PFKFB4: variants seen among roughly 807,000 people sequenced by gnomAD.
PFKFB4 encodes 6-phosphofructo-2-kinase/fructose-2,6-biphosphatase 4, also known as 6-phosphofructo-2-kinase/fructose-2,6-bisphosphatase 4.
A neutral mutation model predicts 62.8 loss-of-function variants in PFKFB4; 42 were observed. The ratio of observed to expected loss-of-function variants is 0.67; its 90% CI spans 0.52 to 0.86. The LOEUF (loss-of-function observed/expected upper bound fraction) is 0.86, where lower values mean the gene tolerates loss of function less well. Among genes scored for constraint, PFKFB4 ranks in the 40% least tolerant of loss-of-function variants. PFKFB4 has a pLI of 0.00. For missense variants in PFKFB4, 475 were observed against 627.2 expected (o/e 0.76, Z 2.59); for synonymous variants, 204 against 240.7 (o/e 0.85, Z 1.41).
chr3:48,553,679 G>T (rs1376280720), intron 1 of PFKFB4, among the ~76,000 whole-genome samples: 1 of 152,192 alleles, frequency 6.6e-6, no homozygotes, highest in Non-Finnish European at 1.5e-5. Flanking sequence ...CCAAGGAGCA[G>T]CCACAAGTCC....
intron 12 of PFKFB4, 83 bp from the exon 13 acceptor site, chr3:48,522,133 G>T: frequency 8.1e-7 from 1 of 1,239,802 alleles, no homozygotes; most frequent in Non-Finnish European, 1.2e-6. Context: ...TTGGAGGGGG[G>T]TCTGGGCGTG....
chr3:48,559,311 C>A (rs904394389), upstream of PFKFB4, among the ~76,000 whole-genome samples: 1 of 152,240 alleles, frequency 6.6e-6, no homozygotes, highest in African/African-American at 2.4e-5. Context: ...GGCCACCGTC[C>A]ACATCTGCTC....
At chr3:48,557,237 C>T (rs1164113010), upstream of PFKFB4, among the ~76,000 whole-genome samples, 2 of 152,196 alleles carry the variant, frequency 1.3e-5, no homozygotes, top group Non-Finnish European at 2.9e-5. Flanking sequence ...CTAGGGAGCC[C>T]AGGGCCCCCA....
At chr3:48,538,713 G>T in intron 6 of PFKFB4, 94 bp from the exon 7 acceptor site, 1 of 1,533,408 alleles carries the variant, frequency 6.5e-7, no homozygotes, top group African/African-American at 1.4e-5. Context: ...GGCTGGAGGA[G>T]GTTGCACCGG....
chr3:48,557,921 T>A (rs1160040416), upstream of PFKFB4, among the ~76,000 whole-genome samples: 1 of 152,242 alleles, frequency 6.6e-6, no homozygotes, highest in Non-Finnish European at 1.5e-5. Flanking sequence ...TTTCATTTTT[T>A]ACAATTTTTT....
chr3:48,543,484 C>G, intron 4 of PFKFB4, 96 bp downstream of exon 4: 1 of 1,166,424 alleles, frequency 8.6e-7, no homozygotes, highest in Non-Finnish European at 1.3e-6. Context: ...GGCACACACA[C>G]CCTGCCTTCC....
chr3:48,561,247 C>T (rs2043429268), upstream of PFKFB4: 2 of 352,516 alleles, frequency 5.7e-6, no homozygotes, highest in South Asian at 2.4e-5. The surrounding 1 kb of genome is among the most constrained non-coding windows in gnomAD (Gnocchi z 5.2). Flanking sequence ...ACTGTAGGCC[C>T]GCCCCCACAG....
intron 3 of PFKFB4, among the ~76,000 whole-genome samples, chr3:48,545,137 T>C (rs879798189): frequency 2.0e-5 from 3 of 151,776 alleles, no homozygotes; most frequent in Admixed American, 2.0e-4. Context: ...TAGCTTTGTG[T>C]TTTTTGTTTT....
At chr3:48,558,364 CT>C (rs1223210915), upstream of PFKFB4, among the ~76,000 whole-genome samples, 2 of 152,208 alleles carry the variant, frequency 1.3e-5, no homozygotes, top group African/African-American at 2.4e-5. Flanking sequence ...CACAACACCC[CT>C]GGCAGGTGCC....
At chr3:48,556,804 G>C (rs773226476), upstream of PFKFB4, 7 of 1,586,958 alleles carry the variant, frequency 4.4e-6, no homozygotes, top group South Asian at 7.9e-5. This position sits in a 1 kb window ranked among gnomAD's most constrained non-coding sequence, Gnocchi z 5.7. Context: ...GTCGGACTGC[G>C]CCGCTTCCAA....
intron 12 of PFKFB4, among the ~76,000 whole-genome samples, chr3:48,523,218 T>C (rs2042151865): frequency 6.6e-6 from 1 of 152,036 alleles, no homozygotes; most frequent in Non-Finnish European, 1.5e-5. Context: ...ACTCTGTCTC[T>C]ACTAAAAATA....
chr3:48,559,190 T>C (rs541511744), upstream of PFKFB4, among the ~76,000 whole-genome samples: 2 of 152,260 alleles, frequency 1.3e-5, no homozygotes, highest in East Asian at 3.9e-4. Flanking sequence ...CACCTTCCTC[T>C]CTTCCCCAGA....
chr3:48,539,336 G>A, intron 5 of PFKFB4, 26 bp from the exon 6 acceptor site: 1 of 1,608,880 alleles, frequency 6.2e-7, no homozygotes, highest in South Asian at 1.1e-5. Context: ...AAGCGCCGGG[G>A]TGGTGGGAGG....
At chr3:48,522,133 G>A (rs561097105) in intron 12 of PFKFB4, 83 bp from the exon 13 acceptor site, 11 of 1,239,802 alleles carry the variant, frequency 8.9e-6, no homozygotes, top group African/African-American at 8.8e-5. Context: ...TTGGAGGGGG[G>A]TCTGGGCGTG....
upstream of PFKFB4, among the ~76,000 whole-genome samples, chr3:48,557,836 C>T (rs1216997968): frequency 6.6e-6 from 1 of 152,196 alleles, no homozygotes; most frequent in African/African-American, 2.4e-5. Context: ...CGCGCCCGGC[C>T]GTGCGTGGCA....
upstream of PFKFB4, among the ~76,000 whole-genome samples, chr3:48,560,738 A>C (rs147265346): frequency 1.8e-4 from 27 of 152,342 alleles, no homozygotes; most frequent in Non-Finnish European, 2.9e-4. Context: ...TGACCCCAAG[A>C]GGAAACCTGG....
At chr3:48,547,663 G>A (rs2043006950) in intron 3 of PFKFB4, among the ~76,000 whole-genome samples, 1 of 152,044 alleles carries the variant, frequency 6.6e-6, no homozygotes, top group African/African-American at 2.4e-5. Context: ...TAGTAGAGAT[G>A]GGGTTTTGCC....
chr3:48,536,594 C>T (rs2042626163), intron 7 of PFKFB4, 131 bp from the exon 8 acceptor site: 12 of 687,100 alleles, frequency 1.7e-5, no homozygotes, highest in South Asian at 1.2e-4. Flanking sequence ...CCCTCAGGAC[C>T]GTCAGCTGGT....
intron 3 of PFKFB4, among the ~76,000 whole-genome samples, chr3:48,544,260 A>G (rs2042891398): frequency 6.6e-6 from 1 of 151,860 alleles, no homozygotes; most frequent in South Asian, 2.1e-4. Context: ...GGATGGGAGG[A>G]ACACTAGGGC....
Sources: allele counts gnomAD v4.1 joint callset (sites outside exome capture counted in the v4.1 genomes callset), GRCh38; gene constraint gnomAD v4.1.1; non-coding constraint Gnocchi (gnomAD v3.1); transcripts MANE v1.5; gene names NCBI Gene and HGNC (gene_info 2026-07-23, HGNC 2026-07-21).